The following FTO variants were observed in gnomAD, a reference collection of about 807,000 sequenced individuals.
FTO encodes the protein alpha-ketoglutarate-dependent dioxygenase FTO.
A neutral mutation model predicts 63.9 loss-of-function variants in FTO; 47 were observed. The ratio of observed to expected loss-of-function variants is 0.74; its 90% CI spans 0.58 to 0.94. The LOEUF is 0.94. Among genes scored for constraint, FTO ranks in the 40% least tolerant of loss-of-function variants. FTO has a pLI of 0.00. For missense variants in FTO, 562 were observed against 618.1 expected (o/e 0.91, Z 0.96); for synonymous variants, 207 against 224.4 (o/e 0.92, Z 0.69).
intron 8 of FTO, among the ~76,000 whole-genome samples, chr16:53,945,427 A>T (rs890573548): frequency 1.3e-5 from 2 of 152,228 alleles, no homozygotes; most frequent in African/African-American, 4.8e-5. Flanking sequence ...TTAAGCCAAG[A>T]CGGCCCAGGT....
chr16:53,775,296 T>C (rs141282413), intron 1 of FTO, among the ~76,000 whole-genome samples: 4 of 152,292 alleles, frequency 2.6e-5, no homozygotes, highest in East Asian at 3.9e-4. Context: ...TTATTTCTTA[T>C]ATGGCCCCAC....
At chr16:53,910,319 G>C (rs1269366913) in intron 7 of FTO, among the ~76,000 whole-genome samples, 7 of 152,132 alleles carry the variant, frequency 4.6e-5, no homozygotes, top group Non-Finnish European at 1.0e-4. Context: ...CTTTGTTCTG[G>C]AGACAGTGGT....
rs570544498 is a variant in FTO, at chr16:53,975,621, C to G, written c.1364+41512C>G. Among the ~76,000 whole-genome samples, 3 of 151,856 alleles carry G rather than the reference C, an allele frequency of 2.0e-5. No homozygotes were observed. In the South Asian group the frequency reaches 6.3e-4, roughly 32 times the overall value. On this transcript the variant is annotated intron_variant, in intron 8 of 8. Transcript: ENST00000471389. ...TATACCGAGTGGCTCCCTTCAGACT[C>G]TCTGTACTCTACGAATCTTACCCTC... is the stretch of plus-strand genomic sequence containing the variant.
intron 1 of FTO, among the ~76,000 whole-genome samples, chr16:53,783,765 G>T (rs2077656496): frequency 6.6e-6 from 1 of 152,032 alleles, no homozygotes; most frequent in South Asian, 2.1e-4. Context: ...TCCGGCCTGG[G>T]TGACAGAGTG....
At chr16:53,741,443 C>T (rs905069595) in intron 1 of FTO, among the ~76,000 whole-genome samples, 10 of 152,122 alleles carry the variant, frequency 6.6e-5, no homozygotes. Flanking sequence ...GTGAACCACT[C>T]TGTTGCTCTT....
At chr16:54,010,774 G>A (rs1199391226) in intron 8 of FTO, among the ~76,000 whole-genome samples, 3 of 152,154 alleles carry the variant, frequency 2.0e-5, no homozygotes, top group Admixed American at 6.5e-5. Context: ...TGGGTGAACG[G>A]CCAGGTGTTC....
At chr16:53,954,361 C>T (rs1313180985) in intron 8 of FTO, among the ~76,000 whole-genome samples, 1 of 152,102 alleles carries the variant, frequency 6.6e-6, no homozygotes, top group Non-Finnish European at 1.5e-5. Context: ...CCTAGACCTA[C>T]CTCAGAGGGT....
chr16:53,924,563 A>G (rs11860076), intron 7 of FTO, among the ~76,000 whole-genome samples: 86,663 of 148,560 alleles, frequency 0.58, 25,478 homozygotes, highest in East Asian at 0.86. Context: ...CTTTCAAGAC[A>G]GTGGAGTTTA....
intron 7 of FTO, among the ~76,000 whole-genome samples, chr16:53,917,998 T>G (rs969738495): frequency 1.3e-5 from 2 of 152,172 alleles, no homozygotes; most frequent in African/African-American, 2.4e-5. Context: ...AGACATAGCT[T>G]TGACCTCAGG....
At chr16:53,943,011 T>C (rs2082568472) in intron 8 of FTO, among the ~76,000 whole-genome samples, 1 of 152,190 alleles carries the variant, frequency 6.6e-6, no homozygotes, top group Non-Finnish European at 1.5e-5. Flanking sequence ...GGCCTGCTAG[T>C]TGCCATCCGG....
At position 53,876,245 on chromosome 16, in the gene FTO, A is replaced by T. The variant is rs1357513050; in HGVS notation, c.975+2380A>T. Among the ~76,000 whole-genome samples the T allele has an allele frequency of 2.0e-5, 3 of 152,172 alleles. No homozygotes were observed. In the East Asian group the frequency reaches 5.8e-4, roughly 29 times the overall value. ...TTTGGTGATATTTAATATATAAGTA[A>T]AAATGTATGTAATTTCAAAAATATT... On this transcript the variant is annotated intron_variant, in intron 5 of 8. Coordinates refer to ENST00000471389, the MANE Select transcript of FTO (RefSeq NM_001080432.3).
intron 4 of FTO, among the ~76,000 whole-genome samples, chr16:53,866,277 T>C (rs1049290288): frequency 3.9e-5 from 6 of 152,146 alleles, no homozygotes; most frequent in Non-Finnish European, 8.8e-5. Context: ...TTTTTATACA[T>C]TGTTACATTC....
chr16:53,964,450 C>CT (rs1441763254), intron 8 of FTO, among the ~76,000 whole-genome samples: 1 of 152,156 alleles, frequency 6.6e-6, no homozygotes, highest in East Asian at 1.9e-4. Context: ...ATGTTGTATT[C>CT]TTTTTTCATT....
chr16:53,712,935 T>C (rs2075809784), intron 1 of FTO, among the ~76,000 whole-genome samples: 1 of 151,810 alleles, frequency 6.6e-6, no homozygotes, highest in South Asian at 2.1e-4. Flanking sequence ...TCCAAAAAAG[T>C]AGAGATCATG....
At chr16:54,031,063 G>A (rs1435038679) in intron 8 of FTO, among the ~76,000 whole-genome samples, 3 of 152,158 alleles carry the variant, frequency 2.0e-5, no homozygotes, top group African/African-American at 7.2e-5. Context: ...AATTGAAAGT[G>A]TAAAATGTGA....
intron 1 of FTO, among the ~76,000 whole-genome samples, chr16:53,793,507 CT>C (rs937974768): frequency 6.6e-6 from 1 of 152,110 alleles, no homozygotes; most frequent in African/African-American, 2.4e-5. Context: ...TTAAGGAATG[CT>C]ATAGCTAACT....
In FTO at chr16:53,815,636, G is replaced by GTTTTTT. The variant is rs556357629; in HGVS notation, c.123+5444_123+5449dup. ...ACCCTATAAGGCCATTGACTTTCTT[G>GTTTTTT]TTTTTTTTTTTTTTTTTTTTTTTTT... is the stretch of plus-strand genomic sequence containing the variant. On this transcript the variant is annotated intron_variant, in intron 2 of 8. Coordinates refer to ENST00000471389, the MANE Select transcript of FTO (RefSeq NM_001080432.3). Among the ~76,000 whole-genome samples the GTTTTTT allele has an allele frequency of 2.7e-3, 269 of 98,116 alleles. 11 individuals carry two copies. The highest frequency in any genetic ancestry group is 5.1e-3 in the African/African-American group (95 of 18,528). 64.4% of individuals were successfully genotyped at this position (98,116 alleles called of 152,430 possible). A position where few individuals can be genotyped will look rare whatever the true frequency, so the allele number is the denominator to read the frequency against.
chr16:54,004,894 C>T (rs1286829414), intron 8 of FTO, among the ~76,000 whole-genome samples: 8 of 151,856 alleles, frequency 5.3e-5, no homozygotes, highest in African/African-American at 1.9e-4. Flanking sequence ...TACAGTGAAA[C>T]CCCATCTCTA....
intron 7 of FTO, among the ~76,000 whole-genome samples, chr16:53,921,112 G>T (rs1189715387): frequency 1.3e-5 from 2 of 152,228 alleles, no homozygotes; most frequent in African/African-American, 2.4e-5. Flanking sequence ...CAGACAAAAG[G>T]CCTGTGCCCT....
Sources: gnomAD v4.1 joint callset for allele counts (sites outside exome capture counted in the v4.1 genomes callset) on GRCh38, gnomAD v4.1.1 for gene constraint, MANE v1.5 for transcripts, NCBI Gene and HGNC (gene_info 2026-07-23, HGNC 2026-07-21) for gene names.